ADGRL4: variants seen among roughly 807,000 people sequenced by gnomAD.
ADGRL4 encodes the protein EGF, latrophilin and seven transmembrane domain containing 1.
Under a neutral mutation model 74.8 loss-of-function variants are expected in ADGRL4, and 90 were observed. That is an observed-to-expected ratio of 1.20 (90% confidence interval 1.02 to 1.43). The LOEUF is 1.43. Among genes scored for constraint, ADGRL4 ranks in the 40% most tolerant of loss-of-function variants. The pLI is 0.00. For missense variants in ADGRL4, 881 were observed against 814.3 expected (o/e 1.08, Z -1.00); for synonymous variants, 311 against 279.2 (o/e 1.11, Z -1.14).
At chr1:78,954,419 C>T (rs1325854801) in intron 2 of ADGRL4, among the ~76,000 whole-genome samples, 3 of 151,686 alleles carry the variant, frequency 2.0e-5, no homozygotes, top group African/African-American at 7.3e-5. Context: ...AGAGAAAAAA[C>T]AAAACTCTGA....
chr1:78,998,970 A>G (rs1199934093), intron 2 of ADGRL4, among the ~76,000 whole-genome samples: 1 of 152,216 alleles, frequency 6.6e-6, no homozygotes, highest in Non-Finnish European at 1.5e-5. Context: ...TCTAGCTCAC[A>G]GAAGTCACTA....
chr1:78,998,109 T>G (rs1242201248), intron 2 of ADGRL4, among the ~76,000 whole-genome samples: 1 of 152,124 alleles, frequency 6.6e-6, no homozygotes, highest in East Asian at 1.9e-4. Flanking sequence ...GAGGACAGGA[T>G]CCCACCACCA....
chr1:78,926,964 T>C lies in ADGRL4; in HGVS notation c.1005A>G (p.Val335=). The change falls in exon 8 of 15, where the codon GTA becomes GTG. Residue 335 remains valine (V), a synonymous_variant. Coordinates refer to ENST00000370742, the MANE Select transcript of ADGRL4 (RefSeq NM_022159.4). ...GGTTTGAGCTCATTGAGACTGAAAT[T>C]ACTGAAGATATGACTCTTTCCTCCT... The part of the protein sequence containing the change: ...SEEEERVISS[V]ISVSMSSNPP... 6.2e-7 allele frequency: 1 copy of C among 1,612,264 alleles called. No individual in the cohort carries two copies. The highest frequency in any genetic ancestry group is 8.5e-7 in the Non-Finnish European group (1 of 1,178,868).
Position 78,898,901 on chromosome 1 carries a change from A to G in ADGRL4, c.1750-5712T>C, listed in dbSNP as rs550956974. ...GTCTTTAAAAAAAACAAGAAATTTA[A>G]GTAGATGAGTTGGTGAAAGAACGAC... On this transcript the variant is annotated intron_variant, in intron 12 of 14. Transcript: ENST00000370742. 3.1e-3 allele frequency among the ~76,000 whole-genome samples: 475 copies of G among 152,296 alleles called. 2 individuals are homozygous for G. Among genetic ancestry groups the G allele is most frequent in the African/African-American group, 0.011 (455 of 41,570 alleles).
At chr1:78,992,228 C>T (rs1313423242) in intron 2 of ADGRL4, among the ~76,000 whole-genome samples, 1 of 151,978 alleles carries the variant, frequency 6.6e-6, no homozygotes, top group African/African-American at 2.4e-5. Context: ...AAAGTTTGAA[C>T]AGTTAACATT....
intron 2 of ADGRL4, among the ~76,000 whole-genome samples, chr1:78,982,115 T>C (rs1650408164): frequency 1.3e-5 from 2 of 151,954 alleles, no homozygotes; most frequent in African/African-American, 2.4e-5. Flanking sequence ...TGATTTGTTA[T>C]AGAATTCCAA....
chr1:78,929,830 C>G (rs1427502295), intron 7 of ADGRL4, among the ~76,000 whole-genome samples: 1 of 151,380 alleles, frequency 6.6e-6, no homozygotes, highest in Non-Finnish European at 1.5e-5. Flanking sequence ...GACAAAATTT[C>G]TTCAGGATAT....
At chr1:78,942,695 G>C (rs565952078) in intron 3 of ADGRL4, among the ~76,000 whole-genome samples, 1 of 152,164 alleles carries the variant, frequency 6.6e-6, no homozygotes, top group Non-Finnish European at 1.5e-5. Flanking sequence ...TTAGGAGGCT[G>C]AGACAGCAGA....
rs139481663 is a variant in ADGRL4 at position 78,997,526 on chromosome 1, T to C, written c.172+7544A>G. On this transcript the variant is annotated intron_variant, in intron 2 of 14. Transcript: ENST00000370742. ...TTTGAGGTTATATCAAAGTAATAAG[T>C]TTTTTTTTGTTGTGTGATAGTTCTT... Among the ~76,000 whole-genome samples the C allele has an allele frequency of 3.2e-3, 484 of 151,644 alleles. 3 individuals carry two copies. The highest frequency in any genetic ancestry group is 0.011 in the African/African-American group (471 of 41,368).
chr1:78,968,700 A>G (rs1260698432), intron 2 of ADGRL4, among the ~76,000 whole-genome samples: 1 of 152,156 alleles, frequency 6.6e-6, no homozygotes, highest in East Asian at 1.9e-4. Context: ...CTGATAGGGA[A>G]AATATCTGTG....
intron 12 of ADGRL4, among the ~76,000 whole-genome samples, chr1:78,916,853 G>T (rs531430542): frequency 4.0e-5 from 6 of 151,832 alleles, no homozygotes; most frequent in Non-Finnish European, 8.8e-5. Context: ...AGCCCTCCCA[G>T]ATTCACTGAC....
intron 2 of ADGRL4, among the ~76,000 whole-genome samples, chr1:78,947,282 G>A (rs759294182): frequency 6.6e-6 from 1 of 152,122 alleles, no homozygotes; most frequent in Non-Finnish European, 1.5e-5. Flanking sequence ...GAAAAACAAG[G>A]TCATACTCGA....
chr1:78,979,750 T>C (rs539223347), intron 2 of ADGRL4, among the ~76,000 whole-genome samples: 58 of 152,002 alleles, frequency 3.8e-4, no homozygotes, highest in Middle Eastern at 3.4e-3. Context: ...TCTTTTGCAG[T>C]GACTTGGATG....
At chr1:78,936,274 G>T in intron 7 of ADGRL4, 21 bp downstream of exon 7, 1 of 1,579,998 alleles carries the variant, frequency 6.3e-7, no homozygotes, top group Non-Finnish European at 8.6e-7. Context: ...TATATTGTCT[G>T]TTAGATTGTT....
intron 12 of ADGRL4, among the ~76,000 whole-genome samples, chr1:78,895,975 A>G (rs1370983115): frequency 6.6e-6 from 1 of 152,058 alleles, no homozygotes; most frequent in African/African-American, 2.4e-5. Context: ...CACCTTAAAT[A>G]GGGATTTCTA....
intron 12 of ADGRL4, among the ~76,000 whole-genome samples, chr1:78,903,802 G>C (rs1361655019): frequency 6.6e-6 from 1 of 151,892 alleles, no homozygotes; most frequent in Non-Finnish European, 1.5e-5. Flanking sequence ...TGGGCCTGGA[G>C]GCACGTGCCT....
intron 10 of ADGRL4, among the ~76,000 whole-genome samples, chr1:78,918,308 A>T (rs1438434513): frequency 6.6e-6 from 1 of 151,878 alleles, no homozygotes; most frequent in African/African-American, 2.4e-5. Flanking sequence ...TGTAACTTTT[A>T]TATATTTATC....
chr1:78,963,756 G>T (rs1375274460), intron 2 of ADGRL4, among the ~76,000 whole-genome samples: 1 of 151,794 alleles, frequency 6.6e-6, no homozygotes, highest in Non-Finnish European at 1.5e-5. Flanking sequence ...AAAAATCAAG[G>T]CCCCAAGAAA....
intron 2 of ADGRL4, among the ~76,000 whole-genome samples, chr1:78,948,738 CTTAAAA>C (rs1167984043): frequency 1.3e-5 from 2 of 151,986 alleles, no homozygotes; most frequent in Admixed American, 6.6e-5. Context: ...AAACTAGTTT[CTTAAAA>C]TTAACTGAGA....
Sources: gnomAD v4.1 joint callset for allele counts (sites outside exome capture counted in the v4.1 genomes callset) on GRCh38, gnomAD v4.1.1 for gene constraint, MANE v1.5 for transcripts, NCBI Gene and HGNC (gene_info 2026-07-23, HGNC 2026-07-21) for gene names.